Variants in EDIL3 observed in about 807,000 individuals in gnomAD.
EDIL3 encodes EGF-like repeat and discoidin I-like domain-containing protein 3.
Under a neutral mutation model 67.4 loss-of-function variants are expected in EDIL3, and 37 were observed. The ratio of observed to expected loss-of-function variants is 0.55; its 90% CI spans 0.42 to 0.72. The LOEUF (loss-of-function observed/expected upper bound fraction) is 0.72. Among genes scored for constraint, EDIL3 ranks in the 30% least tolerant of loss-of-function variants. The pLI is 0.00. For missense variants in EDIL3, 527 were observed against 586.3 expected (o/e 0.90, Z 1.04); for synonymous variants, 195 against 196.3 (o/e 0.99, Z 0.05).
intron 1 of EDIL3, among the ~76,000 whole-genome samples, chr5:84,311,779 G>T (rs887667884): frequency 1.3e-5 from 2 of 152,076 alleles, no homozygotes; most frequent in East Asian, 1.9e-4. Flanking sequence ...GCATGCTGCC[G>T]TCAAGCATCT....
chr5:84,206,184 C>A (rs2112383673), intron 3 of EDIL3, among the ~76,000 whole-genome samples: 1 of 152,262 alleles, frequency 6.6e-6, no homozygotes, highest in South Asian at 2.1e-4. Context: ...AGTAGTCATT[C>A]AGGAGCAGGT....
intron 9 of EDIL3, among the ~76,000 whole-genome samples, chr5:84,003,405 G>A (rs1268877124): frequency 6.6e-6 from 1 of 152,192 alleles, no homozygotes; most frequent in Non-Finnish European, 1.5e-5. Flanking sequence ...AGCCCAGGGT[G>A]CCAAGCTAAG....
chr5:84,321,904 G>A (rs540765270), intron 1 of EDIL3, among the ~76,000 whole-genome samples: 2 of 152,136 alleles, frequency 1.3e-5, no homozygotes, highest in East Asian at 3.9e-4. Flanking sequence ...TAGAAGGACA[G>A]GACATTGAAA....
intron 1 of EDIL3, among the ~76,000 whole-genome samples, chr5:84,302,195 T>A (rs1395371244): frequency 2.6e-5 from 4 of 152,198 alleles, no homozygotes; most frequent in Non-Finnish European, 5.9e-5. Flanking sequence ...TTTTATCAGC[T>A]CCATGTTAAT....
At chr5:84,114,927 GAC>G (rs1344836845) in intron 5 of EDIL3, among the ~76,000 whole-genome samples, 7 of 152,114 alleles carry the variant, frequency 4.6e-5, no homozygotes, top group Non-Finnish European at 7.4e-5. Context: ...TTCCCTCTGA[GAC>G]AATATGCTTC....
At chr5:84,028,504 C>A (rs11956528) in intron 9 of EDIL3, among the ~76,000 whole-genome samples, 67 of 152,130 alleles carry the variant, frequency 4.4e-4, no homozygotes, top group African/African-American at 1.5e-3. Context: ...CTTTATCTGA[C>A]CCTCAGTTTC....
intron 9 of EDIL3, among the ~76,000 whole-genome samples, chr5:84,001,474 C>T (rs894082165): frequency 2.0e-5 from 3 of 151,564 alleles, no homozygotes; most frequent in African/African-American, 7.3e-5. Flanking sequence ...ATAAACCAAA[C>T]TTAAAAAAAA....
intron 6 of EDIL3, among the ~76,000 whole-genome samples, chr5:84,094,185 T>C (rs990652631): frequency 3.3e-5 from 5 of 152,214 alleles, no homozygotes; most frequent in African/African-American, 1.2e-4. Flanking sequence ...TAGTGCTTTT[T>C]TAATTTAAAA....
rs1747912773 is a variant in EDIL3 at position 84,128,851 on chromosome 5, C to A, written c.469+8390G>T. Among the ~76,000 whole-genome samples, 3 of 152,036 alleles carry A rather than the reference C, an allele frequency of 2.0e-5. No homozygotes were observed. The South Asian group carries it at 6.2e-4, about 31-fold the overall frequency. On this transcript the variant is annotated intron_variant, in intron 5 of 10. Coordinates refer to ENST00000296591, the MANE Select transcript of EDIL3 (RefSeq NM_005711.5). ...TAAATGCAAAACTAAATTATAATCCCTGGACATATACAGTTTAGCACATAA... is the reference window on the plus strand; with the variant it reads ...TAAATGCAAAACTAAATTATAATCCATGGACATATACAGTTTAGCACATAA...
intron 3 of EDIL3, among the ~76,000 whole-genome samples, chr5:84,222,200 T>C (rs1046354064): frequency 2.0e-5 from 3 of 151,936 alleles, no homozygotes; most frequent in Admixed American, 6.6e-5. Context: ...TTACTCTGTT[T>C]CCTGTATGTA....
intron 9 of EDIL3, among the ~76,000 whole-genome samples, chr5:84,057,678 A>C (rs1422111344): frequency 1.3e-5 from 2 of 152,168 alleles, no homozygotes; most frequent in East Asian, 3.8e-4. Flanking sequence ...GTATCTTTTA[A>C]ATATTGAAAA....
rs60662947 is a variant in EDIL3, at chr5:84,148,972, C to CAA, written c.356-11620_356-11619dup. Among the ~76,000 whole-genome samples the CAA allele has an allele frequency of 5.9e-3, 516 of 87,024 alleles. 5 individuals carry two copies. The highest frequency in any genetic ancestry group is 0.023 in the African/African-American group (497 of 21,820). 57.1% of individuals were successfully genotyped at this position (87,024 alleles called of 152,430 possible). On this transcript the variant is annotated intron_variant, in intron 4 of 10. Coordinates refer to ENST00000296591, the MANE Select transcript of EDIL3 (RefSeq NM_005711.5). ...TTGTTTTAAAAAACAACAAAAACGA[C>CAA]AAAAAAAAAAAAAAAAAAACCTCAG... is the stretch of plus-strand genomic sequence containing the variant.
Position 84,241,851 on chromosome 5 carries a change from T to G in EDIL3, c.197-11967A>C, listed in dbSNP as rs184666569. On this transcript the variant is annotated intron_variant, in intron 2 of 10. Coordinates refer to ENST00000296591, the MANE Select transcript of EDIL3 (RefSeq NM_005711.5). ...TATAAGGTTTAATTATTTATATCAC[T>G]TAATTAGTAACTCCTGGGTGGCACT... is the stretch of plus-strand genomic sequence containing the variant. 4.7e-4 allele frequency among the ~76,000 whole-genome samples: 71 copies of G among 152,144 alleles called. 2 individuals are homozygous for G. The East Asian group carries it at 0.012, about 26-fold the overall frequency.
At chr5:84,278,770 G>A (rs919440803) in intron 1 of EDIL3, among the ~76,000 whole-genome samples, 1 of 152,034 alleles carries the variant, frequency 6.6e-6, no homozygotes, top group African/African-American at 2.4e-5. Flanking sequence ...TGGATGTGCT[G>A]ACTCCTCTCC....
intron 10 of EDIL3, among the ~76,000 whole-genome samples, chr5:83,949,333 A>G (rs1744366991): frequency 6.6e-6 from 1 of 151,872 alleles, no homozygotes; most frequent in Non-Finnish European, 1.5e-5. Context: ...AGTCAAATGA[A>G]AAAAAATTCA....
At chr5:84,089,922 A>C (rs778948173) in intron 6 of EDIL3, among the ~76,000 whole-genome samples, 2 of 152,156 alleles carry the variant, frequency 1.3e-5, no homozygotes, top group Non-Finnish European at 2.9e-5. Context: ...AATAATTAAA[A>C]TGTAAATGGA....
chr5:84,215,925 G>A (rs1433358585), intron 3 of EDIL3, among the ~76,000 whole-genome samples: 1 of 152,164 alleles, frequency 6.6e-6, no homozygotes, highest in Admixed American at 6.5e-5. Flanking sequence ...CAGATGAGAG[G>A]TACTAGAGGG....
chr5:83,955,740 ATG>A (rs1746527151), intron 10 of EDIL3, among the ~76,000 whole-genome samples: 1 of 151,732 alleles, frequency 6.6e-6, no homozygotes, highest in Non-Finnish European at 1.5e-5. Flanking sequence ...TTTCTGCCTG[ATG>A]TATATTTGTT....
chr5:84,136,258 G>C (rs1748090028), intron 5 of EDIL3, among the ~76,000 whole-genome samples: 1 of 152,172 alleles, frequency 6.6e-6, no homozygotes, highest in African/African-American at 2.4e-5. Context: ...CTCAGTTTGT[G>C]CATCTGAAGT....
Sources: gnomAD v4.1 joint callset for allele counts (sites outside exome capture counted in the v4.1 genomes callset) on GRCh38, gnomAD v4.1.1 for gene constraint, MANE v1.5 for transcripts, NCBI Gene and HGNC (gene_info 2026-07-23, HGNC 2026-07-21) for gene names.